The following LRRC1 variants were observed in gnomAD, a reference collection of about 807,000 sequenced individuals.
LRRC1 encodes the protein leucine-rich repeat-containing protein 1.
LRRC1 carries 28 observed loss-of-function variants against 69.9 expected under a neutral mutation model. That is an observed-to-expected ratio of 0.40 (90% confidence interval 0.30 to 0.55). The LOEUF is 0.55. LRRC1 is among the 20% of genes least tolerant of loss of function. The pLI is 0.47. For synonymous variants in LRRC1, 236 were observed against 240.2 expected, an observed-to-expected ratio of 0.98 and a Z score of 0.16; for missense variants, 498 against 609.0, an observed-to-expected ratio of 0.82 and a Z score of 1.92.
chr6:53,808,623 C>G (rs1425878876), intron 1 of LRRC1, among the ~76,000 whole-genome samples: 1 of 152,036 alleles, frequency 6.6e-6, no homozygotes, highest in Admixed American at 6.5e-5. Context: ...TGCCAAGCAG[C>G]TACTAAGCAG....
At chr6:53,862,788 T>C (rs549414269) in intron 2 of LRRC1, among the ~76,000 whole-genome samples, 2 of 152,312 alleles carry the variant, frequency 1.3e-5, no homozygotes, top group African/African-American at 4.8e-5. Flanking sequence ...TGGAATAATA[T>C]GATAAATGGG....
chr6:53,839,033 T>C (rs547595698), intron 1 of LRRC1, among the ~76,000 whole-genome samples: 4 of 152,254 alleles, frequency 2.6e-5, no homozygotes, highest in African/African-American at 9.6e-5. Flanking sequence ...TATATTTGCA[T>C]GGTAAATCTT....
intron 1 of LRRC1, among the ~76,000 whole-genome samples, chr6:53,835,910 A>G (rs1489564287): frequency 6.6e-6 from 1 of 152,094 alleles, no homozygotes; most frequent in Non-Finnish European, 1.5e-5. Context: ...TCCATCTATA[A>G]ATGAAGATGA....
intron 8 of LRRC1, among the ~76,000 whole-genome samples, chr6:53,901,306 G>T (rs1768049764): frequency 6.6e-6 from 1 of 152,184 alleles, no homozygotes; most frequent in Admixed American, 6.5e-5. Context: ...GCTCACACTT[G>T]TAATCCTAGC....
chr6:53,858,552 C>G (rs974721790), intron 2 of LRRC1, among the ~76,000 whole-genome samples: 2 of 152,220 alleles, frequency 1.3e-5, no homozygotes, highest in Non-Finnish European at 2.9e-5. Flanking sequence ...CATCATATAT[C>G]AGTTGCTTAA....
chr6:53,903,041 G>C (rs1768109082), intron 9 of LRRC1, among the ~76,000 whole-genome samples: 1 of 152,170 alleles, frequency 6.6e-6, no homozygotes, highest in Non-Finnish European at 1.5e-5. Flanking sequence ...TGGATGTGTT[G>C]ATGCCCCAGC....
At chr6:53,838,830 G>A (rs192033983) in intron 1 of LRRC1, among the ~76,000 whole-genome samples, 76 of 152,220 alleles carry the variant, frequency 5.0e-4, no homozygotes, top group Non-Finnish European at 8.2e-4. Flanking sequence ...CTAATTGGTA[G>A]CATTCATTTG....
intron 1 of LRRC1, among the ~76,000 whole-genome samples, chr6:53,826,905 G>A (rs7756153): frequency 0.01 from 1,585 of 151,600 alleles, 22 homozygotes; most frequent in African/African-American, 0.036. Flanking sequence ...TATTGTAAAT[G>A]CATGTTTTGA....
intron 1 of LRRC1, among the ~76,000 whole-genome samples, chr6:53,799,184 C>T (rs1273024526): frequency 2.0e-5 from 3 of 152,190 alleles, no homozygotes; most frequent in African/African-American, 7.2e-5. Context: ...TTGTTGATTG[C>T]CAGATGGCAT....
chr6:53,919,491 A>AAAAAAAAC lies in LRRC1; in HGVS notation c.1107-4_1107-3insAAAACAAA. ...GTCTCTTTTTTTAAAAAAAAAAAAAAAAACAGGTTGCTGCATCTACCTTTA... is the reference window on the plus strand; with the variant it reads ...GTCTCTTTTTTTAAAAAAAAAAAAAAAAAAAAACAAACAGGTTGCTGCATCTACCTTTA... On this transcript the variant is annotated splice_polypyrimidine_tract_variant and splice_region_variant and intron_variant, in intron 11 of 13. Coordinates refer to ENST00000370888, the MANE Select transcript of LRRC1 (RefSeq NM_018214.5). 1 of 1,519,810 alleles carries AAAAAAAAC rather than the reference A, an allele frequency of 6.6e-7. No homozygotes were observed. 94.1% of individuals were successfully genotyped at this position (1,519,810 alleles called of 1,614,324 possible). A position where few individuals can be genotyped will look rare whatever the true frequency, so the allele number is the denominator to read the frequency against.
chr6:53,868,291 G>C (rs1392499268), intron 2 of LRRC1, among the ~76,000 whole-genome samples: 1 of 148,374 alleles, frequency 6.7e-6, no homozygotes, highest in East Asian at 2.0e-4. Context: ...GCCTGATCTT[G>C]GCTCACGGCA....
chr6:53,820,952 C>T (rs1765098262), intron 1 of LRRC1, among the ~76,000 whole-genome samples: 1 of 152,180 alleles, frequency 6.6e-6, no homozygotes, highest in South Asian at 2.1e-4. Flanking sequence ...CAGTGCCAAG[C>T]ACATGGGAGG....
At chr6:53,845,259 C>T (rs1765907145) in intron 2 of LRRC1, among the ~76,000 whole-genome samples, 1 of 152,124 alleles carries the variant, frequency 6.6e-6, no homozygotes, top group Admixed American at 6.5e-5. Flanking sequence ...AGAACAAGGT[C>T]ACTATTTACT....
intron 2 of LRRC1, among the ~76,000 whole-genome samples, chr6:53,865,136 A>G (rs111738969): frequency 5.9e-5 from 9 of 152,092 alleles, no homozygotes; most frequent in Non-Finnish European, 1.2e-4. Flanking sequence ...CAAGAATATT[A>G]ATCTGCTGTA....
intron 1 of LRRC1, among the ~76,000 whole-genome samples, chr6:53,811,502 A>G (rs1764792522): frequency 6.6e-6 from 1 of 152,234 alleles, no homozygotes; most frequent in Non-Finnish European, 1.5e-5. Flanking sequence ...GCCAAAAGGC[A>G]GGGAGCTTTC....
rs372849124 is a variant in LRRC1, at chr6:53,922,838, G to T, written c.*45G>T. ...ACCTCCTGTGTCTTCCTCTGCTGTCGAGACGTTCCTGTCTGCTTCCCGGGA... is the reference window on the plus strand; with the variant it reads ...ACCTCCTGTGTCTTCCTCTGCTGTCTAGACGTTCCTGTCTGCTTCCCGGGA... On this transcript the variant is annotated 3_prime_UTR_variant, in exon 14 of 14. Transcript: ENST00000370888. 3.2e-6 allele frequency: 5 copies of T among 1,584,348 alleles called. No homozygotes were observed. In the South Asian group the frequency reaches 4.6e-5, roughly 14 times the overall value.
chr6:53,863,162 T>C (rs1397960407), intron 2 of LRRC1, among the ~76,000 whole-genome samples: 1 of 152,250 alleles, frequency 6.6e-6, no homozygotes, highest in Non-Finnish European at 1.5e-5. Context: ...TCATTATAGC[T>C]TTTGAATTCC....
chr6:53,858,264 ATT>A (rs145334901), intron 2 of LRRC1, among the ~76,000 whole-genome samples: 4 of 147,294 alleles, frequency 2.7e-5, no homozygotes, highest in South Asian at 4.3e-4. Context: ...TCACTTTGGG[ATT>A]TTTTTTTTTT....
intron 1 of LRRC1, among the ~76,000 whole-genome samples, chr6:53,804,295 A>G (rs900698276): frequency 2.6e-5 from 4 of 152,208 alleles, no homozygotes; most frequent in East Asian, 3.8e-4. Flanking sequence ...ATATGGTATA[A>G]CATAGTGTTT....
Sources: allele counts gnomAD v4.1 joint callset (sites outside exome capture counted in the v4.1 genomes callset), GRCh38; gene constraint gnomAD v4.1.1; transcripts MANE v1.5; gene names NCBI Gene and HGNC (gene_info 2026-07-23, HGNC 2026-07-21).